Variants in HHAT observed in about 807,000 individuals in gnomAD.
The protein encoded by HHAT is protein-cysteine N-palmitoyltransferase HHAT.
A neutral mutation model predicts 70.8 loss-of-function variants in HHAT; 47 were observed. That is an observed-to-expected ratio of 0.66 (90% CI 0.53 to 0.85). The LOEUF (loss-of-function observed/expected upper bound fraction) is 0.85. Ranked by LOEUF, HHAT falls within the 40% of genes least tolerant of loss-of-function variation. The pLI is 0.00. For synonymous variants in HHAT, 228 were observed against 247.6 expected (o/e 0.92, Z 0.74); for missense variants, 609 against 604.8 (o/e 1.01, Z -0.07).
intron 11 of HHAT, among the ~76,000 whole-genome samples, chr1:210,631,944 T>A (rs1292932266): frequency 1.3e-5 from 2 of 152,100 alleles, no homozygotes; most frequent in Non-Finnish European, 2.9e-5. Flanking sequence ...AAAAAGCAAA[T>A]CCTGTTTTGT....
At chr1:210,568,495 A>G (rs1355781190) in intron 9 of HHAT, among the ~76,000 whole-genome samples, 1 of 152,212 alleles carries the variant, frequency 6.6e-6, no homozygotes, top group Non-Finnish European at 1.5e-5. Flanking sequence ...TTTTGAACAA[A>G]GAATTGGGCA....
chr1:210,419,878 C>T (rs549246974), intron 7 of HHAT, among the ~76,000 whole-genome samples: 1 of 152,198 alleles, frequency 6.6e-6, no homozygotes, highest in African/African-American at 2.4e-5. Flanking sequence ...AACTAAGGGA[C>T]TGTTTCAGCT....
At chr1:210,578,377 T>C (rs1286709874) in intron 9 of HHAT, among the ~76,000 whole-genome samples, 1 of 152,166 alleles carries the variant, frequency 6.6e-6, no homozygotes, top group Non-Finnish European at 1.5e-5. Context: ...AATAGAACTC[T>C]TGTACATTGT....
At chr1:210,430,869 T>C (rs1177349400) in intron 7 of HHAT, among the ~76,000 whole-genome samples, 1 of 151,970 alleles carries the variant, frequency 6.6e-6, no homozygotes, top group Non-Finnish European at 1.5e-5. Flanking sequence ...TGCTTTTGTA[T>C]CTGTGAGGTC....
intron 9 of HHAT, among the ~76,000 whole-genome samples, chr1:210,523,929 C>T (rs1340425458): frequency 6.6e-6 from 1 of 152,172 alleles, no homozygotes; most frequent in East Asian, 1.9e-4. Flanking sequence ...AATGAGAAAA[C>T]AAGTAAGCAG....
chr1:210,516,211 A>G (rs1373391937), intron 9 of HHAT, among the ~76,000 whole-genome samples: 2 of 152,204 alleles, frequency 1.3e-5, no homozygotes, highest in Admixed American at 6.5e-5. Context: ...TAGGTTGAAG[A>G]CGGTGGGGTT....
intron 2 of HHAT, among the ~76,000 whole-genome samples, chr1:210,351,787 G>C (rs2087048099): frequency 6.6e-6 from 1 of 152,156 alleles, no homozygotes; most frequent in Admixed American, 6.6e-5. Flanking sequence ...ATTTATTACA[G>C]GGCAGCTGGG....
intron 8 of HHAT, among the ~76,000 whole-genome samples, chr1:210,494,992 G>A (rs2094612044): frequency 6.6e-6 from 1 of 152,110 alleles, no homozygotes. Context: ...CCAGAGACTG[G>A]ATAGTACGAC....
chr1:210,537,344 A>T (rs1345059230), intron 9 of HHAT, among the ~76,000 whole-genome samples: 17 of 152,176 alleles, frequency 1.1e-4, no homozygotes, highest in East Asian at 3.9e-4. Flanking sequence ...TGTTGCAAGC[A>T]GAAAGGTGGG....
At chr1:210,631,883 G>A (rs1670928966) in intron 11 of HHAT, among the ~76,000 whole-genome samples, 1 of 152,184 alleles carries the variant, frequency 6.6e-6, no homozygotes, top group Non-Finnish European at 1.5e-5. Context: ...TCAACAAATG[G>A]GAGTGAAGAC....
chr1:210,478,610 A>T (rs1241634612), intron 8 of HHAT, among the ~76,000 whole-genome samples: 1 of 152,088 alleles, frequency 6.6e-6, no homozygotes, highest in Non-Finnish European at 1.5e-5. Flanking sequence ...GTGGAGAGTG[A>T]TTCTCTCCCA....
chr1:210,474,971 C>A (rs1469209385), intron 8 of HHAT, among the ~76,000 whole-genome samples: 2 of 152,020 alleles, frequency 1.3e-5, no homozygotes, highest in East Asian at 1.9e-4. Context: ...CTGCCTCAGT[C>A]CCCCAAGTAG....
intron 9 of HHAT, among the ~76,000 whole-genome samples, chr1:210,547,658 G>C (rs1276467840): frequency 6.6e-6 from 1 of 152,166 alleles, no homozygotes; most frequent in Non-Finnish European, 1.5e-5. Context: ...ACACTGAGTT[G>C]GGAGCTGTGA....
intron 8 of HHAT, among the ~76,000 whole-genome samples, chr1:210,475,009 A>G (rs4844529): frequency 2.1e-4 from 31 of 146,076 alleles, no homozygotes; most frequent in Non-Finnish European, 4.3e-4. Context: ...GGCCACCACA[A>G]CTAGCTATTT....
intron 10 of HHAT, among the ~76,000 whole-genome samples, chr1:210,603,015 G>A (rs1226781348): frequency 6.6e-6 from 1 of 152,042 alleles, no homozygotes; most frequent in African/African-American, 2.4e-5. Flanking sequence ...TGACTGAGTC[G>A]GCTATCTGAC....
intron 11 of HHAT, among the ~76,000 whole-genome samples, chr1:210,633,212 T>C (rs1671215766): frequency 6.6e-6 from 1 of 152,202 alleles, no homozygotes; most frequent in African/African-American, 2.4e-5. Context: ...TCTTCCTCAC[T>C]GTAAGAAACA....
chr1:210,364,738 G>A (rs775447901), intron 3 of HHAT, among the ~76,000 whole-genome samples: 5 of 152,214 alleles, frequency 3.3e-5, no homozygotes, highest in Non-Finnish European at 7.3e-5. Context: ...TCCCTGCAGA[G>A]GCTCCAGAGT....
In HHAT at chr1:210,645,476, C is replaced by T. The variant is rs935610574; in HGVS notation, c.1390+21806C>T. Among the ~76,000 whole-genome samples, 3 of 152,156 alleles carry T rather than the reference C, an allele frequency of 2.0e-5. No homozygotes were observed. In the South Asian group the frequency reaches 6.2e-4, roughly 32 times the overall value. On this transcript the variant is annotated intron_variant, in intron 11 of 11. Coordinates refer to ENST00000261458, the MANE Select transcript of HHAT (RefSeq NM_018194.6). ...GTATTTTTTAGTAGAGATGGGGTTT[C>T]ACCATGTTAGCCAGGAAGGTATAAT...
intron 7 of HHAT, among the ~76,000 whole-genome samples, chr1:210,422,802 A>C (rs1221789277): frequency 6.6e-6 from 1 of 151,984 alleles, no homozygotes; most frequent in African/African-American, 2.4e-5. Flanking sequence ...ACACCTGGTT[A>C]ATTTTTATAT....
Sources: allele counts gnomAD v4.1 joint callset (sites outside exome capture counted in the v4.1 genomes callset), GRCh38; gene constraint gnomAD v4.1.1; transcripts MANE v1.5; gene names NCBI Gene and HGNC (gene_info 2026-07-23, HGNC 2026-07-21).